SLC38A12: variants seen among roughly 807,000 people sequenced by gnomAD.
The protein encoded by SLC38A12 is solute carrier family 38 member 12.
the SLC38A12 span, among the ~76,000 whole-genome samples, chr17:74,822,948 C>G: frequency 6.6e-6 from 1 of 152,234 alleles, no homozygotes; most frequent in African/African-American, 2.4e-5. Context: ...ACGAGGGTTT[C>G]TCGCCTCTGG....
the SLC38A12 span, among the ~76,000 whole-genome samples, chr17:74,796,419 A>G: frequency 1.3e-5 from 2 of 152,222 alleles, no homozygotes; most frequent in Admixed American, 1.3e-4. Context: ...GCAGGGAGGC[A>G]GGGACCAAGA....
At chr17:74,777,187 G>T in the SLC38A12 span, 2 of 848,544 alleles carry the variant, frequency 2.4e-6, no homozygotes, top group African/African-American at 1.7e-5. Flanking sequence ...ACCAGAGGTG[G>T]CAGGGGAAGT....
the SLC38A12 span, among the ~76,000 whole-genome samples, chr17:74,810,360 C>T: frequency 6.6e-6 from 1 of 152,192 alleles, no homozygotes; most frequent in Non-Finnish European, 1.5e-5. Context: ...AGGCATCTCC[C>T]AAGGACCTTC....
At chr17:74,814,130 G>A in the SLC38A12 span, among the ~76,000 whole-genome samples, 3 of 152,182 alleles carry the variant, frequency 2.0e-5, no homozygotes, top group Admixed American at 6.5e-5. Flanking sequence ...TGTCTTCTAA[G>A]ACACCACCCC....
At chr17:74,812,698 C>CGAGT in the SLC38A12 span, among the ~76,000 whole-genome samples, 4 of 152,172 alleles carry the variant, frequency 2.6e-5, no homozygotes, top group Non-Finnish European at 4.4e-5. Flanking sequence ...ACTCCAAGCC[C>CGAGT]GAGTGCTCCG....
the SLC38A12 span, among the ~76,000 whole-genome samples, chr17:74,824,882 CATG>C: frequency 1.3e-5 from 2 of 152,168 alleles, no homozygotes; most frequent in Non-Finnish European, 1.5e-5. Flanking sequence ...AGAGGTGGGA[CATG>C]GTGGTGGTGG....
At chr17:74,778,828 C>G in the SLC38A12 span, among the ~76,000 whole-genome samples, 1 of 151,846 alleles carries the variant, frequency 6.6e-6, no homozygotes, top group Non-Finnish European at 1.5e-5. Flanking sequence ...ACCACCCTGC[C>G]CAGCTAATTT....
At chr17:74,794,838 C>T in the SLC38A12 span, among the ~76,000 whole-genome samples, 2 of 151,650 alleles carry the variant, frequency 1.3e-5, no homozygotes, top group Non-Finnish European at 2.9e-5. Context: ...TGTAGCCAGC[C>T]AGAAAAAGAA....
chr17:74,795,406 G>C, the SLC38A12 span: 1 of 863,960 alleles, frequency 1.2e-6, no homozygotes, highest in Non-Finnish European at 1.8e-6. Context: ...CCGCAAAGTG[G>C]TTTGTGAAAA....
the SLC38A12 span, chr17:74,788,977 C>A: frequency 1.1e-6 from 1 of 946,502 alleles, no homozygotes; most frequent in African/African-American, 1.7e-5. Context: ...CGGGCTCTGT[C>A]CACGGCACTG....
At chr17:74,789,840 C>T in the SLC38A12 span, among the ~76,000 whole-genome samples, 3 of 119,716 alleles carry the variant, frequency 2.5e-5, no homozygotes, top group Non-Finnish European at 3.3e-5. Context: ...AGCAAAACTT[C>T]GTCTCAAAAA....
the SLC38A12 span, chr17:74,838,545 G>A: frequency 1.7e-5 from 19 of 1,127,114 alleles, no homozygotes; most frequent in Middle Eastern, 3.9e-4. Context: ...GTCTGGAACC[G>A]CCCAGCCATG....
At chr17:74,795,952 A>G in the SLC38A12 span, among the ~76,000 whole-genome samples, 4 of 152,222 alleles carry the variant, frequency 2.6e-5, no homozygotes, top group South Asian at 2.1e-4. Flanking sequence ...GAGTTCTCCA[A>G]GAGTGACACG....
chr17:74,812,909 G>A, the SLC38A12 span, among the ~76,000 whole-genome samples: 1 of 152,212 alleles, frequency 6.6e-6, no homozygotes, highest in Non-Finnish European at 1.5e-5. Context: ...CAGCTGGAGT[G>A]AAGAGAAGGC....
At chr17:74,819,323 G>A in the SLC38A12 span, among the ~76,000 whole-genome samples, 5 of 152,208 alleles carry the variant, frequency 3.3e-5, no homozygotes, top group African/African-American at 9.7e-5. Context: ...TCCTTTCTTC[G>A]CAGTAAACTA....
chr17:74,783,581 C>T, the SLC38A12 span, among the ~76,000 whole-genome samples: 1 of 152,090 alleles, frequency 6.6e-6, no homozygotes, highest in African/African-American at 2.4e-5. Flanking sequence ...CACAGGGTGG[C>T]CTCCCTTTTG....
At chr17:74,837,723 G>T in the SLC38A12 span, 17 of 985,678 alleles carry the variant, frequency 1.7e-5, no homozygotes, top group Non-Finnish European at 2.0e-5. Context: ...ATGGAAGGAG[G>T]CCAGGTCCCC....
chr17:74,795,159 C>G, the SLC38A12 span: 1 of 1,505,396 alleles, frequency 6.6e-7, no homozygotes, highest in South Asian at 1.1e-5. Context: ...AAGGGGCTTC[C>G]TCAGCAAGTC....
the SLC38A12 span, among the ~76,000 whole-genome samples, chr17:74,829,658 G>A: frequency 1.3e-5 from 2 of 152,180 alleles, no homozygotes; most frequent in Non-Finnish European, 1.5e-5. This position sits in a 1 kb window ranked among gnomAD's most constrained non-coding sequence, Gnocchi z 4.1. Flanking sequence ...CCACCAAGAC[G>A]GACTCAGTGC....
Sources: gnomAD v4.1 joint callset for allele counts (sites outside exome capture counted in the v4.1 genomes callset) on GRCh38, gnomAD v4.1.1 for gene constraint, Gnocchi (gnomAD v3.1) non-coding constraint, MANE v1.5 for transcripts, NCBI Gene and HGNC (gene_info 2026-07-23, HGNC 2026-07-21) for gene names.